Variants in PEAK1 observed in about 807,000 individuals in gnomAD.
PEAK1 encodes the protein inactive tyrosine-protein kinase PEAK1.
PEAK1 carries 54 observed loss-of-function variants against 124.7 expected under a neutral mutation model. That is an observed-to-expected ratio of 0.43 (90% CI 0.35 to 0.54). The LOEUF (loss-of-function observed/expected upper bound fraction) is 0.54, where lower values mean the gene tolerates loss of function less well. Ranked by LOEUF, PEAK1 falls within the 20% of genes least tolerant of loss-of-function variation. PEAK1 has a pLI of 0.01. For missense variants in PEAK1, 2,046 were observed against 2,134.5 expected, an observed-to-expected ratio of 0.96 and a Z score of 0.82; for synonymous variants, 719 against 760.0, an observed-to-expected ratio of 0.95 and a Z score of 0.89.
chr15:77,262,703 A>C (rs1194236621), intron 5 of PEAK1, among the ~76,000 whole-genome samples: 7 of 152,062 alleles, frequency 4.6e-5, no homozygotes, highest in Non-Finnish European at 1.0e-4. Flanking sequence ...ACGAGACAGA[A>C]AGTTAACAAG....
intron 6 of PEAK1, among the ~76,000 whole-genome samples, chr15:77,190,221 T>G (rs2057765182): frequency 6.6e-6 from 1 of 152,058 alleles, no homozygotes; most frequent in African/African-American, 2.4e-5. Context: ...TTTAGACTTT[T>G]AAAGGGAAAA....
At chr15:77,122,904 T>C (rs961715490) in intron 9 of PEAK1, among the ~76,000 whole-genome samples, 4 of 152,212 alleles carry the variant, frequency 2.6e-5, no homozygotes, top group African/African-American at 4.8e-5. Context: ...CCAATCATAG[T>C]TGTTCCTGTA....
intron 6 of PEAK1, among the ~76,000 whole-genome samples, chr15:77,206,311 G>T (rs2058653416): frequency 6.7e-6 from 1 of 148,792 alleles, no homozygotes; most frequent in Non-Finnish European, 1.5e-5. Context: ...CTTTATAGCA[G>T]CATGATTTAT....
intron 5 of PEAK1, among the ~76,000 whole-genome samples, chr15:77,254,001 G>A (rs1027385669): frequency 1.3e-5 from 2 of 152,056 alleles, no homozygotes; most frequent in South Asian, 2.1e-4. Flanking sequence ...TGTATTTTTA[G>A]TAGAGACAGC....
At chr15:77,265,892 G>A (rs2152947427) in intron 5 of PEAK1, among the ~76,000 whole-genome samples, 1 of 152,318 alleles carries the variant, frequency 6.6e-6, no homozygotes, top group African/African-American at 2.4e-5. Flanking sequence ...TTAAGAAAAT[G>A]TGGCACGTAT....
At chr15:77,145,064 G>A (rs937204922) in intron 8 of PEAK1, among the ~76,000 whole-genome samples, 21 of 152,112 alleles carry the variant, frequency 1.4e-4, no homozygotes, top group Non-Finnish European at 2.6e-4. Flanking sequence ...ACATTCTTTT[G>A]GACAAATATG....
At chr15:77,326,109 TAA>T (rs1302132748) in intron 2 of PEAK1, among the ~76,000 whole-genome samples, 1 of 152,202 alleles carries the variant, frequency 6.6e-6, no homozygotes, top group African/African-American at 2.4e-5. Context: ...TATAAGCAGT[TAA>T]GTCTCCCCAT....
At chr15:77,118,590 C>A (rs955048238) in intron 9 of PEAK1, among the ~76,000 whole-genome samples, 4 of 152,176 alleles carry the variant, frequency 2.6e-5, no homozygotes, top group Non-Finnish European at 5.9e-5. Flanking sequence ...AAAGTAACTT[C>A]TTCTTGGCTC....
At chr15:77,374,472 C>G (rs2141722720) in intron 1 of PEAK1, among the ~76,000 whole-genome samples, 1 of 152,128 alleles carries the variant, frequency 6.6e-6, no homozygotes, top group East Asian at 1.9e-4. Context: ...ACACTAAAAT[C>G]AAGTTACTCA....
At chr15:77,156,547 C>G (rs1048466954) in intron 8 of PEAK1, 1 of 152,560 alleles carries the variant, frequency 6.6e-6, no homozygotes, top group Admixed American at 6.5e-5. Context: ...GAGATGAACC[C>G]GGTACCTCAG....
intron 5 of PEAK1, among the ~76,000 whole-genome samples, chr15:77,261,082 T>C (rs1370723135): frequency 1.3e-5 from 2 of 152,110 alleles, no homozygotes; most frequent in Admixed American, 6.5e-5. Flanking sequence ...GAAGGAAAAC[T>C]AATAAACAGA....
In PEAK1 at chr15:77,112,529, G is replaced by A. The variant is rs562278473; in HGVS notation, c.*1627C>T. The A allele has an allele frequency of 1.3e-5, 2 of 152,368 alleles. No homozygotes were observed. The highest frequency in any genetic ancestry group is 4.1e-4 in the South Asian group (2 of 4,828). 9.4% of individuals were successfully genotyped at this position (152,368 alleles called of 1,614,324 possible). A position where few individuals can be genotyped will look rare whatever the true frequency, so the allele number is the denominator to read the frequency against. ...GAGGCCTGGCCTCTACTTCCAGCAT[G>A]CGTGTGCACGCACACATGGGCACAC... On this transcript the variant is annotated 3_prime_UTR_variant, in exon 10 of 10. Coordinates refer to ENST00000682557, the MANE Select transcript of PEAK1 (RefSeq NM_001385026.1).
intron 1 of PEAK1, chr15:77,418,302 A>T: frequency 6.1e-6 from 6 of 985,430 alleles, no homozygotes; most frequent in Non-Finnish European, 7.2e-6. Context: ...GTGAGGGAAA[A>T]GAAGGAACAT....
intron 2 of PEAK1, chr15:77,335,375 G>GT (rs2066135708): frequency 6.1e-6 from 6 of 985,084 alleles, no homozygotes; most frequent in Non-Finnish European, 4.8e-6. Context: ...TGTATCTAGT[G>GT]GTCTTTTTAA....
chr15:77,122,217 C>A (rs1285234606), intron 9 of PEAK1, among the ~76,000 whole-genome samples: 1 of 152,164 alleles, frequency 6.6e-6, no homozygotes, highest in African/African-American at 2.4e-5. Context: ...TTGGGTAGGC[C>A]AGATAATTTA....
At chr15:77,258,523 CTGTT>C (rs1168858162) in intron 5 of PEAK1, among the ~76,000 whole-genome samples, 4 of 152,100 alleles carry the variant, frequency 2.6e-5, no homozygotes, top group Non-Finnish European at 4.4e-5. Context: ...ATTTGGCTCT[CTGTT>C]TGTCTGTTAT....
chr15:77,314,718 T>C (rs1288824800), intron 2 of PEAK1, among the ~76,000 whole-genome samples: 1 of 152,162 alleles, frequency 6.6e-6, no homozygotes, highest in South Asian at 2.1e-4. Flanking sequence ...TGGTAGGAGA[T>C]AATGACTTGG....
intron 2 of PEAK1, among the ~76,000 whole-genome samples, chr15:77,327,908 T>TA (rs946723338): frequency 5.3e-5 from 8 of 151,722 alleles, no homozygotes; most frequent in Admixed American, 1.3e-4. Context: ...GGAAAAAAAA[T>TA]AAAAAAACCT....
At chr15:77,304,006 T>G (rs1267340459) in intron 2 of PEAK1, among the ~76,000 whole-genome samples, 1 of 152,254 alleles carries the variant, frequency 6.6e-6, no homozygotes, top group African/African-American at 2.4e-5. Context: ...TATATTCATG[T>G]GAATTTATCT....
Sources: allele counts gnomAD v4.1 joint callset (sites outside exome capture counted in the v4.1 genomes callset), GRCh38; gene constraint gnomAD v4.1.1; transcripts MANE v1.5; gene names NCBI Gene and HGNC (gene_info 2026-07-23, HGNC 2026-07-21).